The following NEO1 variants were observed in gnomAD, a reference collection of about 807,000 sequenced individuals.
NEO1 encodes neogenin 1.
Under a neutral mutation model 159.7 loss-of-function variants are expected in NEO1, and 63 were observed. That is an observed-to-expected ratio of 0.39 (90% CI 0.32 to 0.49). NEO1 has a LOEUF of 0.49. Among genes scored for constraint, NEO1 ranks in the 20% least tolerant of loss-of-function variants. The pLI, the probability that NEO1 is intolerant of heterozygous loss-of-function variation, is 0.85. For missense variants in NEO1, 1,615 were observed against 1,831.0 expected (o/e 0.88, Z 2.15); for synonymous variants, 633 against 662.0 (o/e 0.96, Z 0.67).
intron 4 of NEO1, among the ~76,000 whole-genome samples, chr15:73,129,382 G>C: frequency 6.6e-6 from 1 of 151,938 alleles, no homozygotes; most frequent in East Asian, 1.9e-4. Flanking sequence ...AATTCAGATA[G>C]TGTTAGGCTG....
chr15:73,123,034 A>G (rs2071762051), intron 3 of NEO1, among the ~76,000 whole-genome samples: 1 of 151,898 alleles, frequency 6.6e-6, no homozygotes, highest in Non-Finnish European at 1.5e-5. Context: ...GCAGGCGCTT[A>G]TAACTCCAGC....
chr15:73,123,670 A>G (rs533105955), intron 3 of NEO1, among the ~76,000 whole-genome samples: 46 of 152,196 alleles, frequency 3.0e-4, no homozygotes, highest in Non-Finnish European at 5.6e-4. Flanking sequence ...CTGCTTACTC[A>G]TAACTTCCTC....
chr15:73,097,301 A>G (rs1359656000), intron 1 of NEO1, among the ~76,000 whole-genome samples: 3 of 149,040 alleles, frequency 2.0e-5, no homozygotes, highest in African/African-American at 7.4e-5. Flanking sequence ...TTATCTTTTA[A>G]TTTCATTTTT....
At chr15:73,205,905 ATTTTTTTTTT>A (rs1367325262) in intron 7 of NEO1, among the ~76,000 whole-genome samples, 1 of 151,382 alleles carries the variant, frequency 6.6e-6, no homozygotes, top group Non-Finnish European at 1.5e-5. Flanking sequence ...AACATCTGTA[ATTTTTTTTTT>A]GTTTTTTTTT....
chr15:73,255,423 G>A (rs945781421), intron 13 of NEO1: 1 of 152,168 alleles, frequency 6.6e-6, no homozygotes, highest in Non-Finnish European at 1.5e-5. Flanking sequence ...TTTCACCCTG[G>A]AGATCACAGA....
chr15:73,258,702 A>T (rs2040478819), intron 13 of NEO1, 64 bp from the exon 14 acceptor site: 9 of 1,348,496 alleles, frequency 6.7e-6, no homozygotes, highest in South Asian at 1.2e-5. Flanking sequence ...TTAATGAGGG[A>T]TTATTAATCT....
intron 5 of NEO1, among the ~76,000 whole-genome samples, chr15:73,147,550 G>A (rs1285407962): frequency 1.3e-5 from 2 of 152,192 alleles, no homozygotes; most frequent in East Asian, 3.9e-4. Flanking sequence ...CAAAATACTA[G>A]TAAATATTCT....
At chr15:73,149,315 A>T (rs1041254013) in intron 5 of NEO1, among the ~76,000 whole-genome samples, 1 of 151,846 alleles carries the variant, frequency 6.6e-6, no homozygotes, top group Non-Finnish European at 1.5e-5. Flanking sequence ...CTCGGTCTAA[A>T]AAAAAAAAAA....
Position 73,254,804 on chromosome 15 carries a change from G to A in NEO1, c.2067G>A (p.Gly689=), listed in dbSNP as rs773476393. The A allele has an allele frequency of 1.1e-5, 18 of 1,613,800 alleles. No individual in the cohort carries two copies. The highest frequency in any genetic ancestry group is 1.4e-5 in the Non-Finnish European group (17 of 1,179,946). ...KSDVTETLVS[G]TQLSQLIEGL... is the part of the protein sequence containing the mutation. ...ATGTCACTGAGACCTTGGTAAGCGG[G>A]ACACAGCTGTCTCAGCTGATTGAAG... is the stretch of plus-strand genomic sequence containing the variant. Residue 689 remains glycine (G), a synonymous_variant, in exon 13 of 29, where the codon GGG becomes GGA. Transcript: ENST00000261908.
intron 3 of NEO1, among the ~76,000 whole-genome samples, chr15:73,124,098 T>G (rs1023849836): frequency 5.3e-5 from 8 of 152,196 alleles, no homozygotes; most frequent in Non-Finnish European, 1.0e-4. Flanking sequence ...GGTCTTGCTC[T>G]GTAACCCGGG....
intron 1 of NEO1, among the ~76,000 whole-genome samples, chr15:73,063,215 G>A (rs1257472517): frequency 1.3e-5 from 2 of 152,042 alleles, no homozygotes; most frequent in Non-Finnish European, 2.9e-5. Context: ...CATGGCCCTG[G>A]GTTAGAACAG....
chr15:73,101,413 G>C (rs193139573), intron 1 of NEO1, among the ~76,000 whole-genome samples: 2 of 152,150 alleles, frequency 1.3e-5, no homozygotes, highest in Admixed American at 6.5e-5. Context: ...ACGCGCACGC[G>C]TGCGCACACA....
chr15:73,215,278 T>C (rs2037810073), intron 7 of NEO1, among the ~76,000 whole-genome samples: 1 of 152,194 alleles, frequency 6.6e-6, no homozygotes, highest in Non-Finnish European at 1.5e-5. Flanking sequence ...TTTCTTTCTC[T>C]TGTCTGATTT....
chr15:73,274,671 C>G (rs776286748), intron 20 of NEO1, 21 bp from the exon 21 acceptor site: 2 of 1,613,188 alleles, frequency 1.2e-6, no homozygotes, highest in South Asian at 2.2e-5. Flanking sequence ...GTTTTTTCTT[C>G]CCCTGTGCTT....
intron 7 of NEO1, among the ~76,000 whole-genome samples, chr15:73,217,365 A>G (rs1269098668): frequency 3.4e-5 from 5 of 148,420 alleles, no homozygotes; most frequent in Admixed American, 6.8e-5. Flanking sequence ...AGGTAGTGTG[A>G]TGCCTCCAGC....
chr15:73,161,473 C>T (rs1182521909), intron 5 of NEO1, among the ~76,000 whole-genome samples: 1 of 152,038 alleles, frequency 6.6e-6, no homozygotes, highest in Non-Finnish European at 1.5e-5. Flanking sequence ...ATTAAAATGC[C>T]GAGGTTATTT....
intron 5 of NEO1, among the ~76,000 whole-genome samples, chr15:73,166,791 A>T (rs966066659): frequency 1.3e-5 from 2 of 152,176 alleles, no homozygotes; most frequent in Non-Finnish European, 2.9e-5. Flanking sequence ...AAAGATATTC[A>T]GTCCTCAGTT....
At chr15:73,298,309 G>T in intron 26 of NEO1, 39 bp from the exon 27 acceptor site, 1 of 1,609,128 alleles carries the variant, frequency 6.2e-7, no homozygotes, top group South Asian at 1.1e-5. Flanking sequence ...CATATTTAAT[G>T]GCAAAAGAAA....
At chr15:73,168,462 G>T (rs2034733601) in intron 5 of NEO1, among the ~76,000 whole-genome samples, 1 of 151,152 alleles carries the variant, frequency 6.6e-6, no homozygotes, top group Non-Finnish European at 1.5e-5. Context: ...GCCTCCCAAA[G>T]TGCTAGGATT....
Sources: allele counts gnomAD v4.1 joint callset (sites outside exome capture counted in the v4.1 genomes callset), GRCh38; gene constraint gnomAD v4.1.1; transcripts MANE v1.5; gene names NCBI Gene and HGNC (gene_info 2026-07-23, HGNC 2026-07-21).